Variants in IL1RN observed in about 807,000 individuals in gnomAD.
The protein encoded by IL1RN is interleukin 1 receptor antagonist.
In IL1RN, 10 loss-of-function variants were observed where a neutral mutation model predicts 13.7. The observed-to-expected ratio is 0.73, with a 90% CI of 0.45 to 1.24. The LOEUF is 1.24. IL1RN is among the 50% of genes most tolerant of loss of function. The pLI, the probability that IL1RN is intolerant of heterozygous loss-of-function variation, is 0.00. For synonymous variants in IL1RN, 102 were observed against 82.7 expected (o/e 1.23, Z -1.27); for missense variants, 213 against 222.1 (o/e 0.96, Z 0.26).
intron 2 of IL1RN, chr2:113,121,575 C>A (rs1686784096): frequency 2.0e-6 from 2 of 985,416 alleles, no homozygotes; most frequent in Non-Finnish European, 2.4e-6. Flanking sequence ...ACTGCTGGGG[C>A]AAAAATCATC....
chr2:113,123,552 G>T (rs559908342), upstream of IL1RN, among the ~76,000 whole-genome samples: 3 of 152,278 alleles, frequency 2.0e-5, no homozygotes, highest in East Asian at 5.8e-4. Context: ...CTTTTGAAAG[G>T]CTCCTGGCCT....
At chr2:113,101,987 G>A in the IL1RN span, among the ~76,000 whole-genome samples, 1 of 151,996 alleles carries the variant, frequency 6.6e-6, no homozygotes, top group African/African-American at 2.4e-5. Context: ...GGCTGGTCTC[G>A]AACTCCCGAA....
upstream of IL1RN, among the ~76,000 whole-genome samples, chr2:113,108,794 A>T (rs1293262424): frequency 6.6e-6 from 1 of 152,204 alleles, no homozygotes; most frequent in East Asian, 1.9e-4. Context: ...AAATAAGTCG[A>T]AATGTGGGGT....
upstream of IL1RN, among the ~76,000 whole-genome samples, chr2:113,106,286 G>A (rs1686387216): frequency 4.6e-5 from 7 of 152,306 alleles, no homozygotes; most frequent in South Asian, 1.4e-3. Flanking sequence ...CAAAGGGATA[G>A]TGAATAAAGA....
chr2:113,121,743 C>T, intron 2 of IL1RN: 1 of 374,552 alleles, frequency 2.7e-6, no homozygotes, highest in Non-Finnish European at 3.7e-6. Context: ...TAGCAGCAAG[C>T]CTGGGGGCTG....
At chr2:113,128,503 T>C (rs532642232) in intron 1 of IL1RN, among the ~76,000 whole-genome samples, 11 of 152,160 alleles carry the variant, frequency 7.2e-5, no homozygotes, top group Non-Finnish European at 1.3e-4. Flanking sequence ...GACAAGTCTC[T>C]CCCTTCCAGA....
upstream of IL1RN, among the ~76,000 whole-genome samples, chr2:113,109,843 A>C (rs192716293): frequency 2.0e-5 from 3 of 151,960 alleles, no homozygotes; most frequent in East Asian, 5.8e-4. Flanking sequence ...CCATATTTGC[A>C]TTGTCCTACT....
chr2:113,100,583 C>T, the IL1RN span, among the ~76,000 whole-genome samples: 4 of 152,318 alleles, frequency 2.6e-5, no homozygotes, highest in East Asian at 7.7e-4. Context: ...CAGGGCCCCA[C>T]TTAGGAGGCA....
chr2:113,132,726 G>GCGGC lies in IL1RN; in HGVS notation c.389_390insCGGC (p.Pro132TrpfsTer7). On this transcript the variant is annotated frameshift_variant, in exon 4 of 4. Coordinates refer to ENST00000409930, the MANE Select transcript of IL1RN (RefSeq NM_173842.3). LOFTEE classifies it low-confidence loss of function (END_TRUNC). The stretch of plus-strand genomic sequence containing the variant: ...CGCTTCGCCTTCATCCGCTCAGACA[G>GCGGC]TGGCCCCACCACCAGTTTTGAGTCT... 1 of 1,614,252 alleles carries GCGGC rather than the reference G, an allele frequency of 6.2e-7. No homozygotes were observed. The highest frequency in any genetic ancestry group is 8.5e-7 in the Non-Finnish European group (1 of 1,180,040).
upstream of IL1RN, among the ~76,000 whole-genome samples, chr2:113,104,529 C>A (rs1462181328): frequency 6.6e-6 from 1 of 152,148 alleles, no homozygotes; most frequent in Non-Finnish European, 1.5e-5. Context: ...TGTCTGAGTG[C>A]TCCCAGGAGA....
At chr2:113,116,499 G>T (rs4251958), upstream of IL1RN, among the ~76,000 whole-genome samples, 1 of 151,400 alleles carries the variant, frequency 6.6e-6, no homozygotes, top group African/African-American at 2.4e-5. Context: ...GGCGGGGCGG[G>T]GGGTGGGGGG....
upstream of IL1RN, among the ~76,000 whole-genome samples, chr2:113,102,273 A>C (rs537996898): frequency 3.3e-5 from 5 of 152,206 alleles, no homozygotes; most frequent in South Asian, 1.0e-3. Context: ...AGGCACGGGG[A>C]CAGTGAGAGC....
intron 1 of IL1RN, among the ~76,000 whole-genome samples, chr2:113,128,162 G>A (rs576086637): frequency 2.6e-5 from 4 of 152,338 alleles, no homozygotes; most frequent in African/African-American, 4.8e-5. Context: ...TGGTTTCCCC[G>A]TCTGTGACAT....
chr2:113,132,724 C>G lies in IL1RN; in HGVS notation c.387C>G (p.Asp129Glu), dbSNP rs747037349. 6.2e-7 allele frequency: 1 copy of G among 1,614,260 alleles called. No homozygotes were observed. The change falls in exon 4 of 4, where the codon GAC becomes GAG. Residue 129 changes from aspartate to glutamate, a missense_variant. Coordinates refer to ENST00000409930, the MANE Select transcript of IL1RN (RefSeq NM_173842.3). ...QDKRFAFIRS[D>E]SGPTTSFESA... ...AGCGCTTCGCCTTCATCCGCTCAGACAGTGGCCCCACCACCAGTTTTGAGT... is the reference window on the plus strand; with the variant it reads ...AGCGCTTCGCCTTCATCCGCTCAGAGAGTGGCCCCACCACCAGTTTTGAGT...
intron 2 of IL1RN, 79 bp from the exon 3 acceptor site, chr2:113,130,966 A>G: frequency 1.1e-6 from 1 of 904,116 alleles, no homozygotes. Context: ...ACCAGGGGAG[A>G]TAGAAAAATA....
chr2:113,105,302 C>T (rs1686371473), upstream of IL1RN, among the ~76,000 whole-genome samples: 2 of 152,218 alleles, frequency 1.3e-5, no homozygotes, highest in East Asian at 1.9e-4. Flanking sequence ...AAAAGAAAAC[C>T]CTAACATTTC....
chr2:113,132,608 A>C lies in IL1RN; in HGVS notation c.319-48A>C, dbSNP rs200793152. 79 of 1,544,722 alleles carry C rather than the reference A, an allele frequency of 5.1e-5. No individual in the cohort carries two copies. The African/African-American group carries it at 7.6e-4, about 15-fold the overall frequency. On this transcript the variant is annotated intron_variant, in intron 3 of 3. Transcript: ENST00000409930. ...CGTGGAGTGGAGAGGGAGGCAGCAC[A>C]GGACTTCCTAGGCCTCAGCTCTCAC...
At chr2:113,113,655 G>T (rs1686540166), upstream of IL1RN, among the ~76,000 whole-genome samples, 1 of 152,166 alleles carries the variant, frequency 6.6e-6, no homozygotes, top group African/African-American at 2.4e-5. Context: ...TTATGGCCTT[G>T]ATGGTGGTGA....
At chr2:113,124,897 G>A (rs1686903229), upstream of IL1RN, among the ~76,000 whole-genome samples, 5 of 152,158 alleles carry the variant, frequency 3.3e-5, no homozygotes, top group Admixed American at 3.3e-4. Flanking sequence ...ATGACACAGA[G>A]CAGGGAGGTT....
Sources: gnomAD v4.1 joint callset for allele counts (sites outside exome capture counted in the v4.1 genomes callset) on GRCh38, gnomAD v4.1.1 for gene constraint, MANE v1.5 for transcripts, NCBI Gene and HGNC (gene_info 2026-07-23, HGNC 2026-07-21) for gene names.